The following ARL9 variants were observed in gnomAD, a reference collection of about 807,000 sequenced individuals.
ARL9 encodes the protein ARF like GTPase 9, also known as ADP-ribosylation factor-like protein 9.
In ARL9, 14 loss-of-function variants were observed where a neutral mutation model predicts 27.0. That is an observed-to-expected ratio of 0.52 (90% CI 0.34 to 0.81). The LOEUF (loss-of-function observed/expected upper bound fraction) is 0.81, where lower values mean the gene tolerates loss of function less well. ARL9 is among the 30% of genes least tolerant of loss of function. ARL9 has a pLI of 0.01. For missense variants in ARL9, 294 were observed against 290.0 expected, an observed-to-expected ratio of 1.01 and a Z score of -0.10; for synonymous variants, 106 against 108.7, an observed-to-expected ratio of 0.98 and a Z score of 0.15.
At chr4:56,510,155 C>T (rs1477015291) in intron 1 of ARL9, among the ~76,000 whole-genome samples, 3 of 151,544 alleles carry the variant, frequency 2.0e-5, no homozygotes, top group Non-Finnish European at 2.9e-5. Flanking sequence ...GTCAGGAGTT[C>T]GAGACCAGCC....
rs1225363155 is a variant in ARL9 at position 56,520,423 on chromosome 4, T to A, written c.618+1570T>A. 2.6e-5 allele frequency among the ~76,000 whole-genome samples: 4 copies of A among 152,194 alleles called. No homozygotes were observed. The East Asian group carries it at 7.7e-4, about 29-fold the overall frequency. ...CAGTCACAAAAGGGCAAATACTATA[T>A]GATTCCATTTATACGAGGTACCTAG... On this transcript the variant is annotated intron_variant, in intron 3 of 3. Transcript: ENST00000640821.
At position 56,523,704 on chromosome 4, in the gene ARL9, A is replaced by ATCCGG. The variant is rs1400403414; in HGVS notation, c.626_627insTCCGG (p.Glu209AspfsTer33). 8 of 1,611,152 alleles carry ATCCGG rather than the reference A, an allele frequency of 5.0e-6. No homozygotes were observed. In the African/African-American group the frequency reaches 5.3e-5, roughly 11 times the overall value. ...ATTCCACTCCGGATGAAGGATCTTG[A>ATCCGG]AGCAGCCTATCACATTACAGATATC... On this transcript the variant is annotated frameshift_variant, in exon 4 of 4. Coordinates refer to ENST00000640821, the MANE Select transcript of ARL9 (RefSeq NM_001363794.2). LOFTEE classifies it high-confidence loss of function.
intron 3 of ARL9, among the ~76,000 whole-genome samples, chr4:56,519,621 C>T (rs1721862559): frequency 6.6e-6 from 1 of 151,986 alleles, no homozygotes; most frequent in Non-Finnish European, 1.5e-5. Flanking sequence ...AAATAGAATT[C>T]CCTTATGATG....
Position 56,511,326 on chromosome 4 carries a change from A to G in ARL9, c.421A>G (p.Ser141Gly), listed in dbSNP as rs1485017201. ...FHAVCINTED[S>G]QMEFLEIGGS... ...TGCAGTTTGCATCAACACTGAAGAC[A>G]GCCAGATGGAGTTCCTGGAGAGTAA... Residue 141 changes from serine to glycine, a missense_variant, in exon 2 of 4, where the codon AGC (serine) becomes GGC (glycine). Ser to Gly is a moderately conservative substitution (Grantham distance 56, BLOSUM62 0). Coordinates refer to ENST00000640821, the MANE Select transcript of ARL9 (RefSeq NM_001363794.2). 6.2e-7 allele frequency: 1 copy of G among 1,613,152 alleles called. No homozygotes were observed.
At chr4:56,507,965 CAAAAAAA>C (rs202126461) in intron 1 of ARL9, among the ~76,000 whole-genome samples, 1 of 122,996 alleles carries the variant, frequency 8.1e-6, no homozygotes, top group African/African-American at 2.8e-5. Context: ...GATTCTGTAT[CAAAAAAA>C]AAAAAAAAAA....
Position 56,506,012 on chromosome 4 carries a change from A to G in ARL9, c.150A>G (p.Gly50=). ...AAGAGAAGCAGGAGAGGAGAAAGGG[A>G]AAAGAGAAAGAGGAAAAGAGGACAA... is the stretch of plus-strand genomic sequence containing the variant. ...QKQEKQERRK[G]KEKEEKRTKQ... is the part of the protein sequence containing the mutation. Residue 50 remains glycine (G), a synonymous_variant, in exon 1 of 4, where the codon GGA becomes GGG. Coordinates refer to ENST00000640821, the MANE Select transcript of ARL9 (RefSeq NM_001363794.2). 1 of 1,217,302 alleles carries G rather than the reference A, an allele frequency of 8.2e-7. No homozygotes were observed. The highest frequency in any genetic ancestry group is 1.0e-6 in the Non-Finnish European group (1 of 973,808). 75.4% of individuals were successfully genotyped at this position (1,217,302 alleles called of 1,614,324 possible).
At chr4:56,505,277 T>C, upstream of ARL9, 3 of 404,864 alleles carry the variant, frequency 7.4e-6, no homozygotes, top group South Asian at 1.8e-5. Flanking sequence ...GAGACACTCC[T>C]AGCGGAGTTT....
chr4:56,509,752 G>C (rs1721583295), intron 1 of ARL9, among the ~76,000 whole-genome samples: 1 of 139,650 alleles, frequency 7.2e-6, no homozygotes, highest in Non-Finnish European at 1.5e-5. Flanking sequence ...CTGTCGCCCA[G>C]GCTGGAGTGC....
At chr4:56,506,185 T>A (rs1213436738) in intron 1 of ARL9, 44 bp downstream of exon 1, 2 of 1,232,566 alleles carry the variant, frequency 1.6e-6, no homozygotes, top group African/African-American at 1.6e-5. Flanking sequence ...AAGGCTTTTG[T>A]CGGCCGTTCA....
At chr4:56,516,599 A>AG (rs1473624696) in intron 2 of ARL9, among the ~76,000 whole-genome samples, 8 of 150,954 alleles carry the variant, frequency 5.3e-5, no homozygotes, top group South Asian at 2.1e-4. Flanking sequence ...AAAAAAAAAA[A>AG]AAAGAAAAAG....
intron 1 of ARL9, among the ~76,000 whole-genome samples, chr4:56,508,418 T>C (rs763701969): frequency 8.5e-5 from 13 of 152,098 alleles, no homozygotes; most frequent in Admixed American, 6.5e-5. Context: ...GTTTCACTCA[T>C]GTTGCCCAGG....
chr4:56,508,856 A>G (rs940056992), intron 1 of ARL9, among the ~76,000 whole-genome samples: 1 of 152,182 alleles, frequency 6.6e-6, no homozygotes, highest in African/African-American at 2.4e-5. Flanking sequence ...CTAGAAATCT[A>G]GTTTAAGTCT....
chr4:56,509,701 ATT>A (rs766835732), intron 1 of ARL9, among the ~76,000 whole-genome samples: 16,167 of 97,936 alleles, frequency 0.17, 1,513 homozygotes, highest in Admixed American at 0.3. Context: ...CACTGGGCTA[ATT>A]TTTTTTTTTT....
intron 3 of ARL9, among the ~76,000 whole-genome samples, chr4:56,523,339 A>G (rs1185179364): frequency 6.6e-6 from 1 of 152,228 alleles, no homozygotes; most frequent in Non-Finnish European, 1.5e-5. Flanking sequence ...CGGTGAGTCA[A>G]GATTGCGCCA....
At chr4:56,508,202 A>C (rs1411429827) in intron 1 of ARL9, among the ~76,000 whole-genome samples, 2 of 149,080 alleles carry the variant, frequency 1.3e-5, no homozygotes, top group Non-Finnish European at 3.0e-5. Context: ...ATTTTAAGCC[A>C]TCCAATGAAG....
At chr4:56,520,223 G>A (rs937514003) in intron 3 of ARL9, among the ~76,000 whole-genome samples, 3 of 152,104 alleles carry the variant, frequency 2.0e-5, no homozygotes, top group Non-Finnish European at 2.9e-5. Flanking sequence ...CGCTGATCTC[G>A]AACTTTTGGC....
intron 1 of ARL9, among the ~76,000 whole-genome samples, chr4:56,509,221 T>G (rs1444299404): frequency 3.3e-5 from 5 of 151,030 alleles, no homozygotes; most frequent in African/African-American, 1.2e-4. Flanking sequence ...TTTTTTTTTT[T>G]TGGGATGGAG....
intron 3 of ARL9, 23 bp downstream of exon 3, chr4:56,518,876 A>C: frequency 6.2e-7 from 1 of 1,603,206 alleles, no homozygotes; most frequent in Non-Finnish European, 8.5e-7. Flanking sequence ...GCAAATATAA[A>C]TTGTACTCAA....
chr4:56,509,007 T>C (rs1721547268), intron 1 of ARL9, among the ~76,000 whole-genome samples: 1 of 152,144 alleles, frequency 6.6e-6, no homozygotes. Flanking sequence ...AGAAGTAGAA[T>C]TGAATTCCTA....
Sources: allele counts gnomAD v4.1 joint callset (sites outside exome capture counted in the v4.1 genomes callset), GRCh38; gene constraint gnomAD v4.1.1; transcripts MANE v1.5; gene names NCBI Gene and HGNC (gene_info 2026-07-23, HGNC 2026-07-21).